The following PHF24 variants were observed in gnomAD, a reference collection of about 807,000 sequenced individuals.
PHF24 encodes PHD finger protein 24.
PHF24 carries 25 observed loss-of-function variants against 42.6 expected under a neutral mutation model. That is an observed-to-expected ratio of 0.59 (90% CI 0.43 to 0.82). The LOEUF (loss-of-function observed/expected upper bound fraction) is 0.82, where lower values mean the gene tolerates loss of function less well. Among genes scored for constraint, PHF24 ranks in the 40% least tolerant of loss-of-function variants. The pLI is 0.00. For synonymous variants in PHF24, 185 were observed against 204.8 expected, an observed-to-expected ratio of 0.90 and a Z score of 0.83; for missense variants, 470 against 538.1, an observed-to-expected ratio of 0.87 and a Z score of 1.25.
the PHF24 span, among the ~76,000 whole-genome samples, chr9:34,777,343 G>A: frequency 6.6e-6 from 1 of 152,154 alleles, no homozygotes; most frequent in Non-Finnish European, 1.5e-5. Context: ...GGCATTGGTA[G>A]TGAATGTGAT....
chr9:34,685,500 C>T, the PHF24 span, among the ~76,000 whole-genome samples: 2 of 152,168 alleles, frequency 1.3e-5, no homozygotes, highest in East Asian at 3.9e-4. Context: ...CCAGCTTCCT[C>T]TCTTGTTTTT....
chr9:34,680,669 C>A, the PHF24 span, among the ~76,000 whole-genome samples: 1 of 138,664 alleles, frequency 7.2e-6, no homozygotes, highest in South Asian at 2.2e-4. Context: ...GCCTGGGCGA[C>A]AGAGCGAGAC....
chr9:34,858,183 C>G, the PHF24 span, among the ~76,000 whole-genome samples: 3 of 151,880 alleles, frequency 2.0e-5, no homozygotes, highest in Non-Finnish European at 4.4e-5. Flanking sequence ...TGTCATTTTT[C>G]CCTAATTGCT....
intron 3 of PHF24, among the ~76,000 whole-genome samples, chr9:34,974,218 A>G (rs927801687): frequency 2.0e-5 from 3 of 152,134 alleles, no homozygotes; most frequent in Non-Finnish European, 4.4e-5. Context: ...TGGTTTTTCA[A>G]CCACCTATCA....
chr9:34,834,767 G>A, the PHF24 span: 2 of 1,542,470 alleles, frequency 1.3e-6, no homozygotes, highest in African/African-American at 1.5e-5. Context: ...AGTCAGAAAT[G>A]GGACATTGAT....
the PHF24 span, chr9:34,690,054 C>G: frequency 1.2e-6 from 2 of 1,608,144 alleles, no homozygotes; most frequent in East Asian, 2.2e-5. Flanking sequence ...GAATGGAGCC[C>G]CAGAATCCAG....
At chr9:34,923,053 T>TG in the PHF24 span, 4 of 422,390 alleles carry the variant, frequency 9.5e-6, no homozygotes, top group Admixed American at 4.2e-5. Context: ...GTTTTTGTTT[T>TG]TTTTTTTTTT....
chr9:34,919,571 A>T, the PHF24 span, among the ~76,000 whole-genome samples: 1 of 151,882 alleles, frequency 6.6e-6, no homozygotes, highest in East Asian at 1.9e-4. Context: ...AAACATTCCA[A>T]TGATCTCTTT....
chr9:34,888,747 TG>T, the PHF24 span, among the ~76,000 whole-genome samples: 1 of 152,234 alleles, frequency 6.6e-6, no homozygotes, highest in Non-Finnish European at 1.5e-5. Flanking sequence ...GGGCCAAAAA[TG>T]CATTAGATTC....
chr9:34,804,144 T>C, the PHF24 span, among the ~76,000 whole-genome samples: 1 of 152,178 alleles, frequency 6.6e-6, no homozygotes, highest in Admixed American at 6.5e-5. Flanking sequence ...CCCCTGGACT[T>C]CCCAACTTCC....
the PHF24 span, among the ~76,000 whole-genome samples, chr9:34,683,430 C>T: frequency 6.6e-6 from 1 of 152,208 alleles, no homozygotes; most frequent in African/African-American, 2.4e-5. Context: ...CTTGGAGATC[C>T]ATGATGGAAT....
chr9:34,709,816 T>G, the PHF24 span: 1 of 1,614,168 alleles, frequency 6.2e-7, no homozygotes, highest in Admixed American at 1.7e-5. Flanking sequence ...TGGTTCCTGC[T>G]TCCGGTAGCT....
At chr9:34,754,359 C>A in the PHF24 span, among the ~76,000 whole-genome samples, 1 of 151,978 alleles carries the variant, frequency 6.6e-6, no homozygotes, top group African/African-American at 2.4e-5. Context: ...TATAAATGGG[C>A]AAAATACCTG....
the PHF24 span, among the ~76,000 whole-genome samples, chr9:34,924,696 C>T: frequency 6.6e-6 from 1 of 152,116 alleles, no homozygotes; most frequent in Non-Finnish European, 1.5e-5. Context: ...TTGTAGGCAG[C>T]AGATAGTTGG....
At chr9:34,922,287 T>C in the PHF24 span, 1 of 1,593,542 alleles carries the variant, frequency 6.3e-7, no homozygotes, top group South Asian at 1.1e-5. Context: ...TGTGCTGTCT[T>C]TGGATGACTC....
At chr9:34,719,912 T>C in the PHF24 span, among the ~76,000 whole-genome samples, 1 of 152,256 alleles carries the variant, frequency 6.6e-6, no homozygotes, top group African/African-American at 2.4e-5. Flanking sequence ...CTCTCTGCCC[T>C]GGGGACCATG....
the PHF24 span, among the ~76,000 whole-genome samples, chr9:34,673,208 T>C: frequency 1.3e-5 from 2 of 151,908 alleles, no homozygotes; most frequent in Non-Finnish European, 2.9e-5. Context: ...ATACAAAAAT[T>C]AGCCAGTCGT....
chr9:34,857,505 C>A, the PHF24 span, among the ~76,000 whole-genome samples: 1 of 152,160 alleles, frequency 6.6e-6, no homozygotes, highest in Non-Finnish European at 1.5e-5. Context: ...GTTTCCCAGG[C>A]AGGGTCACAC....
chr9:34,852,687 C>T, the PHF24 span, among the ~76,000 whole-genome samples: 1 of 152,302 alleles, frequency 6.6e-6, no homozygotes, highest in East Asian at 1.9e-4. Flanking sequence ...CTTTCTCTTG[C>T]TGCTTTCAGA....
Sources: allele counts gnomAD v4.1 joint callset (sites outside exome capture counted in the v4.1 genomes callset), GRCh38; gene constraint gnomAD v4.1.1; transcripts MANE v1.5; gene names NCBI Gene and HGNC (gene_info 2026-07-23, HGNC 2026-07-21).